Variants in ZNF175 observed in about 807,000 individuals in gnomAD.
ZNF175 encodes zinc finger protein 175.
In ZNF175, 8 loss-of-function variants were observed where a neutral mutation model predicts 14.0. The observed-to-expected ratio is 0.57, with a 90% CI of 0.34 to 1.03. The LOEUF (loss-of-function observed/expected upper bound fraction) is 1.03, where lower values mean the gene tolerates loss of function less well. Among genes scored for constraint, ZNF175 ranks in the 50% least tolerant of loss-of-function variants. The probability of loss-of-function intolerance (pLI) is 0.03; values close to 1 mark genes in which losing one functional copy is unlikely to be tolerated. For synonymous variants in ZNF175, 255 were observed against 296.8 expected (o/e 0.86, Z 1.45); for missense variants, 764 against 849.5 (o/e 0.90, Z 1.25).
At position 51,589,937 on chromosome 19, in the gene ZNF175, G is replaced by A. The variant is rs1214700370; in HGVS notation, c.*1470G>A. On this transcript the variant is annotated 3_prime_UTR_variant, in exon 5 of 5. Transcript: ENST00000262259. Reference sequence around the variant, plus strand: ...TGTTCATCATCATATACCTGTGTAAGTACTCTTTCATTGATTTATAAAACT... The same window carrying A: ...TGTTCATCATCATATACCTGTGTAAATACTCTTTCATTGATTTATAAAACT... 2 of 279,504 alleles carry A rather than the reference G, an allele frequency of 7.2e-6. No homozygotes were observed. The highest frequency in any genetic ancestry group is 6.5e-5 in the East Asian group (1 of 15,464). The allele number at this position is 279,504 out of a possible 1,614,324, so 17.3% of individuals were successfully genotyped here.
intron 4 of ZNF175, among the ~76,000 whole-genome samples, chr19:51,583,405 A>C (rs1036992063): frequency 6.6e-6 from 1 of 151,986 alleles, no homozygotes; most frequent in African/African-American, 2.4e-5. Flanking sequence ...ATTTTGTGAG[A>C]TTTTTCTGTT....
intron 4 of ZNF175, among the ~76,000 whole-genome samples, chr19:51,582,577 G>A (rs1013419445): frequency 2.6e-5 from 4 of 152,154 alleles, no homozygotes; most frequent in Non-Finnish European, 4.4e-5. Context: ...AATTATAGGC[G>A]TGAGCCACCG....
rs1054328 is a variant in ZNF175 at position 51,589,568 on chromosome 19, C to G, written c.*1101C>G. On this transcript the variant is annotated 3_prime_UTR_variant, in exon 5 of 5. Coordinates refer to ENST00000262259, the MANE Select transcript of ZNF175 (RefSeq NM_007147.4). ...TTTAGGATTAGCTCAGCTTGCCCCCCCTTTCCATCTCCACCATCTATAGTG... is the reference window on the plus strand; with the variant it reads ...TTTAGGATTAGCTCAGCTTGCCCCCGCTTTCCATCTCCACCATCTATAGTG... 134,553 of 700,248 alleles carry G rather than the reference C, an allele frequency of 0.19. 14,155 individuals are homozygous for G. Among genetic ancestry groups the G allele is most frequent in the Middle Eastern group, 0.24 (1,058 of 4,352 alleles). The allele number at this position is 700,248 out of a possible 1,614,324, so 43.4% of individuals were successfully genotyped here. A position where few individuals can be genotyped will look rare whatever the true frequency, so the allele number is the denominator to read the frequency against.
chr19:51,577,688 G>A (rs2122563006), intron 2 of ZNF175, among the ~76,000 whole-genome samples: 1 of 136,982 alleles, frequency 7.3e-6, no homozygotes, highest in South Asian at 2.3e-4. Flanking sequence ...TTTTGAGATG[G>A]AGTCTCACTC....
At position 51,589,578 on chromosome 19, in the gene ZNF175, TCCA is replaced by T. The variant is rs1982291387; in HGVS notation, c.*1115_*1117del. 1.4e-6 allele frequency: 1 copy of T among 702,252 alleles called. No homozygotes were observed. Among genetic ancestry groups the T allele is most frequent in the Non-Finnish European group, 2.6e-6 (1 of 384,796 alleles). The allele number at this position is 702,252 out of a possible 1,614,324, so 43.5% of individuals were successfully genotyped here. A position where few individuals can be genotyped will look rare whatever the true frequency, so the allele number is the denominator to read the frequency against. ...GCTCAGCTTGCCCCCCCTTTCCATC[TCCA>T]CCATCTATAGTGAGCCTCTCCATAA... On this transcript the variant is annotated 3_prime_UTR_variant, in exon 5 of 5. Transcript: ENST00000262259.
chr19:51,580,295 T>A (rs1230597319), intron 2 of ZNF175, among the ~76,000 whole-genome samples: 1 of 152,166 alleles, frequency 6.6e-6, no homozygotes, highest in East Asian at 1.9e-4. Context: ...TTATTTTGCA[T>A]CATATTAGGT....
At position 51,588,244 on chromosome 19, in the gene ZNF175, T is replaced by A. The variant is rs761524343; in HGVS notation, c.1913T>A (p.Met638Lys). The change falls in exon 5 of 5, where the codon ATG becomes AAG. Residue 638 changes from methionine (M) to lysine (K), a missense_variant. Met to Lys is a moderately conservative substitution (Grantham distance 95, BLOSUM62 -1). Coordinates refer to ENST00000262259, the MANE Select transcript of ZNF175 (RefSeq NM_007147.4). ...SELITHQRTH[M>K]GEKPYECLDC... ...TTGATTACCCATCAAAGAACTCACATGGGAGAGAAACCCTATGAATGCCTT... is the reference window on the plus strand; with the variant it reads ...TTGATTACCCATCAAAGAACTCACAAGGGAGAGAAACCCTATGAATGCCTT... 1 of 1,613,882 alleles carries A rather than the reference T, an allele frequency of 6.2e-7. No individual in the cohort carries two copies. The highest frequency in any genetic ancestry group is 1.3e-5 in the African/African-American group (1 of 74,866).
Position 51,586,833 on chromosome 19 carries a change from A to G in ZNF175, c.502A>G (p.Asn168Asp), listed in dbSNP as rs1600086561. The G allele has an allele frequency of 2.5e-6, 4 of 1,614,076 alleles. No individual in the cohort carries two copies. The East Asian group carries it at 8.9e-5, about 36-fold the overall frequency. The change falls in exon 5 of 5, where the codon AAC (asparagine) becomes GAC (aspartate). Residue 168 changes from asparagine to aspartate, a missense_variant. Asn to Asp is a conservative substitution (Grantham distance 23). Transcript: ENST00000262259. Reference sequence around the variant, plus strand: ...TGCTTTCTTCAACAAGAAAACATTGAACACAGAAAGCAATTGTGAATATAA... The same window carrying G: ...TGCTTTCTTCAACAAGAAAACATTGGACACAGAAAGCAATTGTGAATATAA... ...HSAFFNKKTL[N>D]TESNCEYKDP...
At chr19:51,573,128 A>G (rs1981647684) in intron 1 of ZNF175, 22 bp from the exon 2 acceptor site, 4 of 599,002 alleles carry the variant, frequency 6.7e-6, no homozygotes, top group Admixed American at 3.4e-5. Context: ...ATGAGTGACC[A>G]TGTACTCATT....
chr19:51,578,944 C>T (rs1414577920), intron 2 of ZNF175, among the ~76,000 whole-genome samples: 1 of 152,056 alleles, frequency 6.6e-6, no homozygotes, highest in African/African-American at 2.4e-5. Context: ...TGCTGAAACC[C>T]CATCTCTACA....
At chr19:51,579,706 A>G (rs1981931444) in intron 2 of ZNF175, among the ~76,000 whole-genome samples, 2 of 152,234 alleles carry the variant, frequency 1.3e-5, no homozygotes, top group African/African-American at 4.8e-5. Context: ...CTAATTTTCT[A>G]CTAAAGGCGA....
rs992709245 is a variant in ZNF175 at position 51,591,473 on chromosome 19, G to A, written c.*3006G>A. On this transcript the variant is annotated 3_prime_UTR_variant, in exon 5 of 5. Transcript: ENST00000262259. ...TCAGAGAACTAAGAGATGAATAAAT[G>A]TTAGTCCAATGGCCTCATCATGAGA... 7.2e-5 allele frequency: 11 copies of A among 152,218 alleles called. No homozygotes were observed. The highest frequency in any genetic ancestry group is 2.7e-4 in the African/African-American group (11 of 41,456). The allele number at this position is 152,218 out of a possible 1,614,324, so 9.4% of individuals were successfully genotyped here. A position where few individuals can be genotyped will look rare whatever the true frequency, so the allele number is the denominator to read the frequency against.
At chr19:51,586,596 T>C in intron 4 of ZNF175, 31 bp from the exon 5 acceptor site, 1 of 1,546,184 alleles carries the variant, frequency 6.5e-7, no homozygotes, top group Non-Finnish European at 8.7e-7. Context: ...TTGTTCATTG[T>C]GTCTATTTCA....
Position 51,587,513 on chromosome 19 carries a change from T to G in ZNF175, c.1182T>G (p.Ser394Arg). Residue 394 changes from serine to arginine, a missense_variant, in exon 5 of 5, where the codon AGT (serine) becomes AGG (arginine). Transcript: ENST00000262259. ...THSREKLYECSECGKGFSQNS... is the reference protein window; with the variant it reads ...THSREKLYECRECGKGFSQNS... ...GTAGAGAAAAACTCTATGAATGCAGTGAATGTGGCAAAGGCTTCTCCCAAA... is the reference window on the plus strand; with the variant it reads ...GTAGAGAAAAACTCTATGAATGCAGGGAATGTGGCAAAGGCTTCTCCCAAA... 7 of 1,614,134 alleles carry G rather than the reference T, an allele frequency of 4.3e-6. No individual in the cohort carries two copies. Among genetic ancestry groups the G allele is most frequent in the Non-Finnish European group, 5.9e-6 (7 of 1,180,016 alleles).
chr19:51,587,152 C>G lies in ZNF175; in HGVS notation c.821C>G (p.Thr274Ser), dbSNP rs1276044525. ...TCACTCAAGCAACATCAAATTCATA[C>G]TCAGAAGAAACCAGATGGATGTTCT... ...KQSLKQHQIH[T>S]QKKPDGCSEC... is the part of the protein sequence containing the mutation. The change falls in exon 5 of 5, where the codon ACT (threonine) becomes AGT (serine). Residue 274 changes from threonine to serine, a missense_variant. By Grantham distance (58) the Thr-to-Ser change is moderately conservative (BLOSUM62 1). Transcript: ENST00000262259. 6.2e-7 allele frequency: 1 copy of G among 1,614,202 alleles called. No individual in the cohort carries two copies. The highest frequency in any genetic ancestry group is 1.1e-5 in the South Asian group (1 of 91,090).
At position 51,589,541 on chromosome 19, in the gene ZNF175, C is replaced by A. The variant is rs536018727; in HGVS notation, c.*1074C>A. 1 of 701,854 alleles carries A rather than the reference C, an allele frequency of 1.4e-6. No homozygotes were observed. Among genetic ancestry groups the A allele is most frequent in the South Asian group, 1.5e-5 (1 of 67,420 alleles). The allele number at this position is 701,854 out of a possible 1,614,324, so 43.5% of individuals were successfully genotyped here. On this transcript the variant is annotated 3_prime_UTR_variant, in exon 5 of 5. Transcript: ENST00000262259. The stretch of plus-strand genomic sequence containing the variant: ...ATCTTTATATTACAGATTTTCTCTT[C>A]TTTTAGGATTAGCTCAGCTTGCCCC...
At chr19:51,581,911 G>C (rs1158076664) in intron 4 of ZNF175, 29 bp downstream of exon 4, 1 of 1,592,150 alleles carries the variant, frequency 6.3e-7, no homozygotes, top group Middle Eastern at 1.7e-4. Context: ...GGCAAATGTA[G>C]ATATCTTTGC....
chr19:51,586,582 T>C (rs1288044595), intron 4 of ZNF175, 45 bp from the exon 5 acceptor site: 7 of 1,529,962 alleles, frequency 4.6e-6, no homozygotes, highest in Non-Finnish European at 6.1e-6. Flanking sequence ...GTTTCTCCTC[T>C]TTCTTGTTCA....
At chr19:51,581,603 A>G (rs977479939) in intron 3 of ZNF175, 86 bp downstream of exon 3, 3 of 1,550,436 alleles carry the variant, frequency 1.9e-6, no homozygotes, top group Non-Finnish European at 8.7e-7. Flanking sequence ...TGGGATATCA[A>G]AGTATGTCAT....
Sources: gnomAD v4.1 joint callset for allele counts (sites outside exome capture counted in the v4.1 genomes callset) on GRCh38, gnomAD v4.1.1 for gene constraint, MANE v1.5 for transcripts, NCBI Gene and HGNC (gene_info 2026-07-23, HGNC 2026-07-21) for gene names.